Variants in IKZF2 observed in about 807,000 individuals in gnomAD.
IKZF2 encodes the protein zinc finger protein Helios.
IKZF2 carries 15 observed loss-of-function variants against 49.2 expected under a neutral mutation model. The observed-to-expected ratio is 0.30, with a 90% confidence interval of 0.20 to 0.47. IKZF2 has a LOEUF of 0.47. IKZF2 is among the 20% of genes least tolerant of loss of function. The pLI is 1.00. For synonymous variants in IKZF2, 227 were observed against 221.4 expected, an observed-to-expected ratio of 1.03 and a Z score of -0.23; for missense variants, 567 against 664.6, an observed-to-expected ratio of 0.85 and a Z score of 1.61.
intron 4 of IKZF2, among the ~76,000 whole-genome samples, chr2:213,093,424 C>T (rs913177448): frequency 2.0e-5 from 3 of 152,158 alleles, no homozygotes; most frequent in African/African-American, 7.2e-5. Context: ...CTCTCATACT[C>T]TACTGCTATC....
intron 4 of IKZF2, among the ~76,000 whole-genome samples, chr2:213,142,129 T>C (rs2060896729): frequency 6.6e-6 from 1 of 151,968 alleles, no homozygotes; most frequent in Non-Finnish European, 1.5e-5. Context: ...TTTTGTTATT[T>C]GTAATGACTG....
At chr2:213,118,332 A>G (rs956558696) in intron 4 of IKZF2, among the ~76,000 whole-genome samples, 1 of 152,230 alleles carries the variant, frequency 6.6e-6, no homozygotes, top group African/African-American at 2.4e-5. Context: ...TAATTAAATG[A>G]GCACACCTTT....
rs76808399 is a variant in IKZF2 at position 213,132,035 on chromosome 2, C to A, written c.139+15673G>T. Among the ~76,000 whole-genome samples, 774 of 152,204 alleles carry A rather than the reference C, an allele frequency of 5.1e-3. 4 individuals are homozygous for A. Among genetic ancestry groups the A allele is most frequent in the Non-Finnish European group, 7.9e-3 (536 of 67,994 alleles). The stretch of plus-strand genomic sequence containing the variant: ...ATTATTTCTTAAAATGTATTAGGCC[C>A]TGTGATAAAAGCTTTACTAAGTTTA... On this transcript the variant is annotated intron_variant, in intron 4 of 8. Transcript: ENST00000434687.
intron 6 of IKZF2, among the ~76,000 whole-genome samples, chr2:213,037,467 T>C (rs1699142000): frequency 6.6e-6 from 1 of 152,200 alleles, no homozygotes; most frequent in African/African-American, 2.4e-5. Flanking sequence ...ATAATGGTTA[T>C]TGGTCTGGGG....
In IKZF2 at chr2:213,007,894, T is replaced by G. The variant is rs1217468402; in HGVS notation, c.1047A>C (p.Pro349=). The change falls in exon 9 of 9, where the codon CCA becomes CCC. Residue 349 remains proline, a synonymous_variant. Coordinates refer to ENST00000434687, the MANE Select transcript of IKZF2 (RefSeq NM_001387220.1). ...HPPSTIAEVA[P]VISSAYSQVY... is the part of the protein sequence containing the mutation. ...CCTGAGAATAAGCTGAGCTTATAAC[T>G]GGGGCCACTTCAGCGATTGTGCTTG... 6.2e-7 allele frequency: 1 copy of G among 1,613,574 alleles called. No homozygotes were observed. Among genetic ancestry groups the G allele is most frequent in the African/African-American group, 1.3e-5 (1 of 74,988 alleles).
At chr2:213,064,919 T>C (rs1269164468) in intron 4 of IKZF2, among the ~76,000 whole-genome samples, 2 of 152,058 alleles carry the variant, frequency 1.3e-5, no homozygotes, top group Non-Finnish European at 2.9e-5. Context: ...GAGTTCATAT[T>C]ACTCTTCTAA....
intron 4 of IKZF2, among the ~76,000 whole-genome samples, chr2:213,143,539 A>T (rs2060945212): frequency 6.6e-6 from 1 of 151,964 alleles, no homozygotes; most frequent in South Asian, 2.1e-4. Context: ...AAAGAAATTA[A>T]ATCAGAACTA....
intron 7 of IKZF2, among the ~76,000 whole-genome samples, chr2:213,020,692 C>T (rs956513453): frequency 1.3e-5 from 2 of 151,988 alleles, no homozygotes; most frequent in African/African-American, 4.8e-5. Flanking sequence ...TTCAGGATAA[C>T]AAGAAAATTT....
At chr2:213,008,112 T>TAA (rs369935563) in intron 8 of IKZF2, 28 bp from the exon 9 acceptor site, 369 of 1,279,108 alleles carry the variant, frequency 2.9e-4, no homozygotes, top group African/African-American at 1.4e-3. Context: ...GTGAAAGAAG[T>TAA]AAAAAAAAAA....
chr2:213,102,577 C>G (rs1172508359), intron 4 of IKZF2, among the ~76,000 whole-genome samples: 1 of 151,318 alleles, frequency 6.6e-6, no homozygotes, highest in Non-Finnish European at 1.5e-5. Context: ...CATAAAATCT[C>G]AATAACTCTT....
Position 213,101,544 on chromosome 2 carries a change from T to C in IKZF2, c.140-44445A>G, listed in dbSNP as rs1038472447. ...ACACTACCTACTATTAAGATAATTC[T>C]GAGATTACAAAAAAAAAATTAGTTC... On this transcript the variant is annotated intron_variant, in intron 4 of 8. Transcript: ENST00000434687. 4.3e-5 allele frequency among the ~76,000 whole-genome samples: 3 copies of C among 70,098 alleles called. No individual in the cohort carries two copies. In the Admixed American group the frequency reaches 4.8e-4, roughly 11 times the overall value. 46.0% of individuals were successfully genotyped at this position (70,098 alleles called of 152,430 possible). A position where few individuals can be genotyped will look rare whatever the true frequency, so the allele number is the denominator to read the frequency against.
rs141611173 is a variant in IKZF2, at chr2:213,074,165, A to C, written c.140-17066T>G. On this transcript the variant is annotated intron_variant, in intron 4 of 8. Transcript: ENST00000434687. ...TTACTTTTTAACCCCATATAAAACT[A>C]AGTCAAGGAAAATATATTATTCTGA... is the stretch of plus-strand genomic sequence containing the variant. 7.2e-5 allele frequency among the ~76,000 whole-genome samples: 11 copies of C among 152,312 alleles called. No individual in the cohort carries two copies. The East Asian group carries it at 2.1e-3, about 29-fold the overall frequency.
chr2:213,008,112 TAA>T (rs369935563), intron 8 of IKZF2, 28 bp from the exon 9 acceptor site: 10,758 of 1,207,328 alleles, frequency 8.9e-3, no homozygotes, highest in South Asian at 0.016. Context: ...GTGAAAGAAG[TAA>T]AAAAAAAAAA....
chr2:213,070,800 A>G (rs983439023), intron 4 of IKZF2, among the ~76,000 whole-genome samples: 1 of 152,136 alleles, frequency 6.6e-6, no homozygotes, highest in Non-Finnish European at 1.5e-5. Flanking sequence ...GACGGTGTCC[A>G]GGTCTCTCAA....
chr2:213,092,055 T>A (rs1705404256), intron 4 of IKZF2, among the ~76,000 whole-genome samples: 1 of 152,164 alleles, frequency 6.6e-6, no homozygotes, highest in South Asian at 2.1e-4. Flanking sequence ...AGACAGGGTC[T>A]CACTCTGTTG....
intron 6 of IKZF2, among the ~76,000 whole-genome samples, chr2:213,024,011 G>A (rs1391073602): frequency 2.0e-5 from 3 of 152,116 alleles, no homozygotes; most frequent in African/African-American, 7.2e-5. Flanking sequence ...TAAGAAGGAA[G>A]AGACATGTAG....
chr2:213,026,556 A>T (rs890597236), intron 6 of IKZF2, among the ~76,000 whole-genome samples: 1 of 152,132 alleles, frequency 6.6e-6, no homozygotes, highest in Non-Finnish European at 1.5e-5. Flanking sequence ...CTCTTTAAAT[A>T]GCTTTTTCTC....
chr2:213,078,075 A>T (rs919497158), intron 4 of IKZF2, among the ~76,000 whole-genome samples: 3 of 152,182 alleles, frequency 2.0e-5, no homozygotes, highest in African/African-American at 7.2e-5. Context: ...ATAAACGCAC[A>T]TATTCCTGTA....
At position 213,007,770 on chromosome 2, in the gene IKZF2, T is replaced by G; in HGVS notation, c.1171A>C (p.Ser391Arg). The change falls in exon 9 of 9, where the codon AGT (serine) becomes CGT (arginine). Residue 391 changes from serine (S) to arginine (R), a missense_variant. Around this residue, in one of 5 missense-constraint regions of IKZF2, gnomAD observed 310 missense variants for 326.9 expected, o/e 0.95. Transcript: ENST00000434687. Reference protein sequence around the residue: ...DGPISLIRPKSRPQEREASPS... With the variant: ...DGPISLIRPKRRPQEREASPS... Reference sequence around the variant, plus strand: ...GAGGCCTCTCTTTCCTGGGGTCGACTCTTTGGTCTGATGAGAGAGATGGGG... The same window carrying G: ...GAGGCCTCTCTTTCCTGGGGTCGACGCTTTGGTCTGATGAGAGAGATGGGG... 6.2e-7 allele frequency: 1 copy of G among 1,613,712 alleles called. No homozygotes were observed. The highest frequency in any genetic ancestry group is 8.5e-7 in the Non-Finnish European group (1 of 1,179,780).
Sources: allele counts gnomAD v4.1 joint callset (sites outside exome capture counted in the v4.1 genomes callset), GRCh38; gene constraint gnomAD v4.1.1; regional missense constraint gnomAD v4.1.1; transcripts MANE v1.5; gene names NCBI Gene and HGNC (gene_info 2026-07-23, HGNC 2026-07-21).